Variants in FBP1 observed in about 807,000 individuals in gnomAD.
FBP1 encodes fructose-1,6-bisphosphatase 1.
FBP1 carries 22 observed loss-of-function variants against 29.9 expected under a neutral mutation model. That is an observed-to-expected ratio of 0.74 (90% CI 0.53 to 1.05). The LOEUF is 1.05. Ranked by LOEUF, FBP1 falls within the 50% of genes least tolerant of loss-of-function variation. The pLI, the probability that FBP1 is intolerant of heterozygous loss-of-function variation, is 0.00. For missense variants in FBP1, 345 were observed against 448.2 expected, an observed-to-expected ratio of 0.77 and a Z score of 2.08; for synonymous variants, 175 against 178.6, an observed-to-expected ratio of 0.98 and a Z score of 0.16.
Position 94,603,358 on chromosome 9 carries a change from C to A in FBP1, c.*23G>T. The A allele has an allele frequency of 6.2e-7, 1 of 1,606,182 alleles. No individual in the cohort carries two copies. Among genetic ancestry groups the A allele is most frequent in the South Asian group, 1.1e-5 (1 of 90,146 alleles). On this transcript the variant is annotated 3_prime_UTR_variant, in exon 7 of 7. Transcript: ENST00000375326. ...AAAAGGTCCAGGTAGAGGCAATTCT[C>A]CGGATGCAGGCAGGGCAGGTGCTCA...
At chr9:94,639,642 A>G (rs1828256117), upstream of FBP1, 7 of 450,862 alleles carry the variant, frequency 1.6e-5, no homozygotes, top group South Asian at 8.4e-5. Flanking sequence ...TTGGATCTTC[A>G]GACAAGGTCG....
Position 94,603,541 on chromosome 9 carries a change from G to C in FBP1, c.857C>G (p.Ala286Gly), listed in dbSNP as rs1487917434. The change falls in exon 7 of 7, where the codon GCC (alanine) becomes GGC (glycine). Residue 286 changes from alanine to glycine, a missense_variant. Transcript: ENST00000375326. The stretch of plus-strand genomic sequence containing the variant: ...TCCCCCAGCCTTCTCCATGACGTAG[G>C]CCATGGGGTTGCATTCGTACAGCAG... ...LRLLYECNPMAYVMEKAGGMA... is the reference protein window; with the variant it reads ...LRLLYECNPMGYVMEKAGGMA... The C allele has an allele frequency of 1.2e-6, 2 of 1,614,190 alleles. No homozygotes were observed. Among genetic ancestry groups the C allele is most frequent in the Non-Finnish European group, 1.7e-6 (2 of 1,180,030 alleles).
chr9:94,626,584 C>A (rs1465332834), intron 1 of FBP1, among the ~76,000 whole-genome samples: 2 of 152,134 alleles, frequency 1.3e-5, no homozygotes, highest in Non-Finnish European at 2.9e-5. Context: ...CTAAGAAGGG[C>A]TTGAGATTTC....
chr9:94,609,363 G>C (rs1366265767), intron 4 of FBP1, among the ~76,000 whole-genome samples: 1 of 152,212 alleles, frequency 6.6e-6, no homozygotes, highest in Non-Finnish European at 1.5e-5. Flanking sequence ...AGAAAAGCTA[G>C]AAATGGATGG....
rs1827635402 is a variant in FBP1, at chr9:94,603,134, T to A, written c.*247A>T. On this transcript the variant is annotated 3_prime_UTR_variant, in exon 7 of 7. Transcript: ENST00000375326. ...TATTTGACACAAAGCAAGGGAGACT[T>A]TTTTTTAAGGAGGAATAAGTTTATT... The A allele has an allele frequency of 2.3e-6, 1 of 428,466 alleles. No individual in the cohort carries two copies. The highest frequency in any genetic ancestry group is 2.2e-5 in the South Asian group (1 of 44,642). 26.5% of individuals were successfully genotyped at this position (428,466 alleles called of 1,614,324 possible). A position where few individuals can be genotyped will look rare whatever the true frequency, so the allele number is the denominator to read the frequency against.
In FBP1 at chr9:94,610,016, G is replaced by A. The variant is rs766005419; in HGVS notation, c.472C>T (p.Arg158Trp). 58 of 1,613,756 alleles carry A rather than the reference G, an allele frequency of 3.6e-5. No homozygotes were observed. Among genetic ancestry groups the A allele is most frequent in the South Asian group, 2.4e-4 (22 of 91,078 alleles). ...PSEKDALQPG[R>W]NLVAAGYALY... is the part of the protein sequence containing the mutation. ...GCGTAGCCGGCTGCCACCAGGTTCCGGCCTGGTTGCAGAGCATCCTTCTCA... is the reference window on the plus strand; with the variant it reads ...GCGTAGCCGGCTGCCACCAGGTTCCAGCCTGGTTGCAGAGCATCCTTCTCA... The change falls in exon 4 of 7, where the codon CGG (arginine) becomes TGG (tryptophan). Residue 158 changes from arginine (R) to tryptophan (W), a missense_variant. Coordinates refer to ENST00000375326, the MANE Select transcript of FBP1 (RefSeq NM_000507.4).
intron 1 of FBP1, among the ~76,000 whole-genome samples, chr9:94,623,248 G>A (rs867858709): frequency 1.2e-4 from 19 of 152,250 alleles, no homozygotes; most frequent in Middle Eastern, 3.4e-3. Context: ...GCCTCCCAAA[G>A]TGCTGGGATT....
chr9:94,636,817 T>G (rs1256107091), intron 1 of FBP1, among the ~76,000 whole-genome samples: 2 of 151,914 alleles, frequency 1.3e-5, no homozygotes, highest in African/African-American at 4.8e-5. Flanking sequence ...GCCTCCCAAG[T>G]AGCTGGGATT....
Position 94,639,476 on chromosome 9 carries a change from G to C in FBP1, c.-166C>G. On this transcript the variant is annotated 5_prime_UTR_variant, in exon 1 of 7. Coordinates refer to ENST00000375326, the MANE Select transcript of FBP1 (RefSeq NM_000507.4). ...TGGCGGGAGGACTGACAGACCGACT[G>C]CCGCCCCGAGTGTCCGCAGCGCTCG... is the stretch of plus-strand genomic sequence containing the variant. 1 of 751,842 alleles carries C rather than the reference G, an allele frequency of 1.3e-6. No individual in the cohort carries two copies. The highest frequency in any genetic ancestry group is 2.2e-6 in the Non-Finnish European group (1 of 446,522). The allele number at this position is 751,842 out of a possible 1,614,324, so 46.6% of individuals were successfully genotyped here.
At chr9:94,622,132 A>T (rs1244932568) in intron 1 of FBP1, among the ~76,000 whole-genome samples, 1 of 152,192 alleles carries the variant, frequency 6.6e-6, no homozygotes, top group Non-Finnish European at 1.5e-5. Context: ...ATTTTTAAGC[A>T]ACCTGCAAGT....
At chr9:94,609,822 C>A in intron 4 of FBP1, 99 bp downstream of exon 4, 1 of 1,342,084 alleles carries the variant, frequency 7.5e-7, no homozygotes, top group East Asian at 2.3e-5. Flanking sequence ...CCATGGGCAT[C>A]ACCTCCCACC....
At chr9:94,634,873 G>A (rs1239924834) in intron 1 of FBP1, among the ~76,000 whole-genome samples, 1 of 152,094 alleles carries the variant, frequency 6.6e-6, no homozygotes, top group Non-Finnish European at 1.5e-5. Flanking sequence ...GAGGCAGGTG[G>A]ATCACTTGAG....
At chr9:94,611,583 T>G (rs1827786348) in intron 3 of FBP1, among the ~76,000 whole-genome samples, 1 of 152,002 alleles carries the variant, frequency 6.6e-6, no homozygotes, top group African/African-American at 2.4e-5. Flanking sequence ...GGAGACCCCA[T>G]CTCTACGAAA....
chr9:94,617,189 A>G (rs1806066821), intron 3 of FBP1, among the ~76,000 whole-genome samples: 1 of 152,240 alleles, frequency 6.6e-6, no homozygotes, highest in Admixed American at 6.5e-5. Flanking sequence ...CAGTATGTGA[A>G]AAAATGAATG....
intron 1 of FBP1, among the ~76,000 whole-genome samples, chr9:94,625,175 TAC>T (rs1225476320): frequency 8.4e-6 from 1 of 118,418 alleles, no homozygotes; most frequent in Non-Finnish European, 2.0e-5. Flanking sequence ...TACGAGAGGT[TAC>T]AGTCAGTGTC....
chr9:94,633,072 C>G (rs1206059047), intron 1 of FBP1, among the ~76,000 whole-genome samples: 1 of 152,184 alleles, frequency 6.6e-6, no homozygotes, highest in Non-Finnish European at 1.5e-5. Context: ...GATCATCTTC[C>G]CTCCTTCCCC....
At chr9:94,613,785 GA>G (rs35169885) in intron 3 of FBP1, among the ~76,000 whole-genome samples, 1,822 of 144,984 alleles carry the variant, frequency 0.013, 37 homozygotes, top group African/African-American at 0.043. Context: ...AAAAAAAGAA[GA>G]AAAAAAAAAG....
intron 1 of FBP1, among the ~76,000 whole-genome samples, chr9:94,638,632 G>A (rs1461037253): frequency 4.4e-5 from 2 of 45,422 alleles, no homozygotes; most frequent in African/African-American, 9.6e-5. Context: ...TTGCGGGGGG[G>A]GCGGGGGGGA....
chr9:94,633,449 C>T (rs907845206), intron 1 of FBP1, among the ~76,000 whole-genome samples: 2 of 152,162 alleles, frequency 1.3e-5, no homozygotes, highest in Non-Finnish European at 2.9e-5. Flanking sequence ...AAGTGTTCAC[C>T]CTTGCCATTT....
Sources: gnomAD v4.1 joint callset for allele counts (sites outside exome capture counted in the v4.1 genomes callset) on GRCh38, gnomAD v4.1.1 for gene constraint, MANE v1.5 for transcripts, NCBI Gene and HGNC (gene_info 2026-07-23, HGNC 2026-07-21) for gene names.